Variants in AMELY observed in about 807,000 individuals in gnomAD.
AMELY encodes amelogenin, Y isoform.
A neutral mutation model predicts 4.2 loss-of-function variants in AMELY; 4 were observed. The observed-to-expected ratio is 0.96, with a 90% CI of 0.47 to 2.19. The LOEUF is 2.19. AMELY is among the 30% of genes most tolerant of loss of function. The pLI is 0.02. For synonymous variants in AMELY, 11 were observed against 14.7 expected, an observed-to-expected ratio of 0.75 and a Z score of 0.57; for missense variants, 32 against 41.5, an observed-to-expected ratio of 0.77 and a Z score of 0.63.
chrY:6,907,743 A>C (rs767260434), intron 1 of AMELY, among the ~76,000 whole-genome samples: 1 of 32,847 alleles, frequency 3.0e-5, no homozygotes, highest in East Asian at 8.2e-4. Context: ...AATGCAAAAC[A>C]CTTAGGCATG....
chrY:6,906,762 CT>C (rs2011664977), intron 1 of AMELY, among the ~76,000 whole-genome samples: 5 of 27,748 alleles, frequency 1.8e-4, no homozygotes, highest in East Asian at 9.2e-4. Flanking sequence ...AACATCGTTT[CT>C]TTTTTTTTTT....
At chrY:6,873,605 G>A (rs1048629564) in intron 2 of AMELY, among the ~76,000 whole-genome samples, 1 of 32,919 alleles carries the variant, frequency 3.0e-5, no homozygotes, top group Non-Finnish European at 7.5e-5. Flanking sequence ...TAAAGTTTTA[G>A]ATGATGGTTT....
At chrY:6,887,872 G>A (rs1603022502) in intron 1 of AMELY, among the ~76,000 whole-genome samples, 1 of 33,488 alleles carries the variant, frequency 3.0e-5, no homozygotes, top group Admixed American at 2.8e-4. Flanking sequence ...TGGTATATAC[G>A]TGCCACATTT....
chrY:6,875,860 A>G, intron 1 of AMELY, among the ~76,000 whole-genome samples: 9 of 32,501 alleles, frequency 2.8e-4, no homozygotes, highest in Non-Finnish European at 6.0e-4. Context: ...TGAAGTTCCT[A>G]AAAGGATTAA....
At chrY:6,905,204 A>G in intron 1 of AMELY, among the ~76,000 whole-genome samples, 1 of 33,357 alleles carries the variant, frequency 3.0e-5, no homozygotes, top group South Asian at 6.9e-4. Flanking sequence ...TCCAAAATCC[A>G]ATAGGTCCAC....
At chrY:6,884,378 A>G (rs2054077450) in intron 1 of AMELY, among the ~76,000 whole-genome samples, 1 of 32,108 alleles carries the variant, frequency 3.1e-5, no homozygotes, top group Non-Finnish European at 7.5e-5. Flanking sequence ...GTGTATACCT[A>G]TGCAAAAAAC....
chrY:6,871,978 C>A, intron 3 of AMELY, among the ~76,000 whole-genome samples: 1 of 29,928 alleles, frequency 3.3e-5, no homozygotes, highest in Non-Finnish European at 7.8e-5. Flanking sequence ...ACAACAACAA[C>A]AACAACAACA....
At chrY:6,881,549 C>T (rs746199929) in intron 1 of AMELY, among the ~76,000 whole-genome samples, 34 of 33,271 alleles carry the variant, frequency 1.0e-3, no homozygotes, top group African/African-American at 3.6e-3. Flanking sequence ...CAAGGAAACC[C>T]TCTCTCACCA....
chrY:6,892,611 C>T (rs1241171409), intron 1 of AMELY, among the ~76,000 whole-genome samples: 1 of 33,693 alleles, frequency 3.0e-5, no homozygotes, highest in Non-Finnish European at 7.3e-5. Flanking sequence ...AGGCTAGGTA[C>T]AAATACCTTC....
intron 1 of AMELY, among the ~76,000 whole-genome samples, chrY:6,904,802 T>C: frequency 2.1e-4 from 7 of 33,675 alleles, no homozygotes; most frequent in African/African-American, 5.8e-4. Flanking sequence ...CAGTTCATGA[T>C]AGGCAGTTCA....
At chrY:6,902,080 C>T in intron 1 of AMELY, among the ~76,000 whole-genome samples, 1 of 33,415 alleles carries the variant, frequency 3.0e-5, no homozygotes, top group Non-Finnish European at 7.4e-5. Flanking sequence ...TTATGGCTAA[C>T]ATAATACAAT....
At chrY:6,901,594 C>G in intron 1 of AMELY, among the ~76,000 whole-genome samples, 2 of 33,358 alleles carry the variant, frequency 6.0e-5, no homozygotes, top group Non-Finnish European at 1.5e-4. Context: ...AGGACACATG[C>G]CTGGGAGATT....
chrY:6,894,785 G>A (rs2054085301), intron 1 of AMELY, among the ~76,000 whole-genome samples: 1 of 33,564 alleles, frequency 3.0e-5, no homozygotes, highest in Non-Finnish European at 7.4e-5. Context: ...ACAGGTAGAT[G>A]CTGATTTAAG....
At chrY:6,883,992 T>C in intron 1 of AMELY, among the ~76,000 whole-genome samples, 2 of 32,352 alleles carry the variant, frequency 6.2e-5, no homozygotes, top group Non-Finnish European at 7.5e-5. Flanking sequence ...AGATATTGCA[T>C]GAGGATATGC....
intron 1 of AMELY, among the ~76,000 whole-genome samples, chrY:6,903,089 CTGACCTCAG>C (rs2011655575): frequency 9.1e-5 from 3 of 33,118 alleles, no homozygotes; most frequent in African/African-American, 3.5e-4. Context: ...TCTTAAACTC[CTGACCTCAG>C]GTGGATCTCC....
At chrY:6,909,166 G>C (rs2011674660) in intron 1 of AMELY, among the ~76,000 whole-genome samples, 1 of 33,394 alleles carries the variant, frequency 3.0e-5, no homozygotes, top group Admixed American at 2.8e-4. Context: ...GAGAGGGTGC[G>C]GTAGCCGAGG....
chrY:6,907,452 T>C, intron 1 of AMELY, among the ~76,000 whole-genome samples: 2 of 33,115 alleles, frequency 6.0e-5, no homozygotes, highest in South Asian at 1.3e-3. Flanking sequence ...GGAGTTTTTA[T>C]AGTTTTGTCT....
chrY:6,885,291 C>A (rs1603022360), intron 1 of AMELY, among the ~76,000 whole-genome samples: 1 of 33,435 alleles, frequency 3.0e-5, no homozygotes, highest in South Asian at 6.8e-4. Flanking sequence ...CATCCTAACA[C>A]AGTGAAACCC....
At chrY:6,878,691 C>A (rs768567627) in intron 1 of AMELY, among the ~76,000 whole-genome samples, 1 of 33,356 alleles carries the variant, frequency 3.0e-5, no homozygotes, top group South Asian at 6.9e-4. Context: ...GGTTAAAATA[C>A]ATTATTTCTC....
Sources: gnomAD v4.1 joint callset for allele counts (sites outside exome capture counted in the v4.1 genomes callset) on GRCh38, gnomAD v4.1.1 for gene constraint, MANE v1.5 for transcripts, NCBI Gene and HGNC (gene_info 2026-07-23, HGNC 2026-07-21) for gene names.